KIAA0586: variants seen among roughly 807,000 people sequenced by gnomAD.
KIAA0586 encodes the protein protein TALPID3.
In KIAA0586, 144 loss-of-function variants were observed where a neutral mutation model predicts 169.8. The observed-to-expected ratio is 0.85, with a 90% CI of 0.74 to 0.97. KIAA0586 has a LOEUF of 0.97. Among genes scored for constraint, KIAA0586 ranks in the 50% least tolerant of loss-of-function variants. The pLI is 0.00. For missense variants in KIAA0586, 1,854 were observed against 1,823.0 expected (o/e 1.02, Z -0.31); for synonymous variants, 625 against 612.4 (o/e 1.02, Z -0.30).
Position 58,534,503 on chromosome 14 carries a change from G to T in KIAA0586, c.4430-5568G>T, listed in dbSNP as rs538511499. Among the ~76,000 whole-genome samples the T allele has an allele frequency of 2.0e-5, 3 of 152,246 alleles. No homozygotes were observed. The East Asian group carries it at 5.8e-4, about 29-fold the overall frequency. ...AAATGCTGAAGATTAGTTAAAACTGGATTATAGTTTGTGCTTTCAATTAAA... is the reference window on the plus strand; with the variant it reads ...AAATGCTGAAGATTAGTTAAAACTGTATTATAGTTTGTGCTTTCAATTAAA... On this transcript the variant is annotated intron_variant, in intron 29 of 30. Coordinates refer to ENST00000652326, the MANE Select transcript of KIAA0586 (RefSeq NM_001329943.3).
chr14:58,444,182 G>A lies in KIAA0586; in HGVS notation c.807+7G>A, dbSNP rs774659938. 2 of 1,557,400 alleles carry A rather than the reference G, an allele frequency of 1.3e-6. No individual in the cohort carries two copies. Among genetic ancestry groups the A allele is most frequent in the South Asian group, 2.2e-5 (2 of 88,978 alleles). On this transcript the variant is annotated splice_region_variant and intron_variant, in intron 6 of 30. Transcript: ENST00000652326. Reference sequence around the variant, plus strand: ...ACAACAAATAGATATTCAGGTATCTGTAATAAATCCAGTACAGATTCCATA... The same window carrying A: ...ACAACAAATAGATATTCAGGTATCTATAATAAATCCAGTACAGATTCCATA...
At chr14:58,506,172 A>T (rs2043925531) in intron 27 of KIAA0586, among the ~76,000 whole-genome samples, 1 of 151,970 alleles carries the variant, frequency 6.6e-6, no homozygotes, top group Non-Finnish European at 1.5e-5. Context: ...TTCATTTGCC[A>T]CTCTTAGAAA....
At chr14:58,496,428 A>G (rs868365724) in intron 26 of KIAA0586, among the ~76,000 whole-genome samples, 20 of 152,258 alleles carry the variant, frequency 1.3e-4, no homozygotes, top group African/African-American at 4.8e-4. Context: ...TGTCAGAGTA[A>G]TATAGGCATT....
intron 29 of KIAA0586, chr14:58,521,837 G>A: frequency 1.1e-6 from 1 of 888,760 alleles, no homozygotes; most frequent in Non-Finnish European, 1.9e-6. Flanking sequence ...TGGAGTCGGA[G>A]CGGGGTGCAG....
At chr14:58,445,991 C>CT (rs1175902202) in intron 6 of KIAA0586, among the ~76,000 whole-genome samples, 8 of 151,356 alleles carry the variant, frequency 5.3e-5, no homozygotes, top group African/African-American at 1.9e-4. Context: ...GCCACAGCCT[C>CT]CCAAGTAGCT....
intron 8 of KIAA0586, among the ~76,000 whole-genome samples, 156 bp from the exon 9 acceptor site, chr14:58,453,194 C>T (rs1033330904): frequency 3.3e-5 from 5 of 152,136 alleles, no homozygotes; most frequent in African/African-American, 1.2e-4. Flanking sequence ...GCTGGGATTA[C>T]AGGCATGAGC....
In KIAA0586 at chr14:58,468,032, G is replaced by T. The variant is rs866615543; in HGVS notation, c.2442+110G>T. 50 of 654,932 alleles carry T rather than the reference G, an allele frequency of 7.6e-5. No homozygotes were observed. In the South Asian group the frequency reaches 8.2e-4, roughly 11 times the overall value. The allele number at this position is 654,932 out of a possible 1,614,324, so 40.6% of individuals were successfully genotyped here. A position where few individuals can be genotyped will look rare whatever the true frequency, so the allele number is the denominator to read the frequency against. The stretch of plus-strand genomic sequence containing the variant: ...TCATAAAAATATTGCTTTTGATCAT[G>T]ACTCTTTTTTTTAAATTTATTTTTA... On this transcript the variant is annotated intron_variant, in intron 16 of 30. Transcript: ENST00000652326.
rs1039498791 is a variant in KIAA0586, at chr14:58,459,931, T to C, written c.1745T>C (p.Ile582Thr). 4 of 1,533,144 alleles carry C rather than the reference T, an allele frequency of 2.6e-6. No individual in the cohort carries two copies. Among genetic ancestry groups the C allele is most frequent in the Non-Finnish European group, 3.5e-6 (4 of 1,144,856 alleles). 95.0% of individuals were successfully genotyped at this position (1,533,144 alleles called of 1,614,324 possible). The change falls in exon 13 of 31, where the codon ATT (isoleucine) becomes ACT (threonine). Residue 582 changes from isoleucine to threonine, a missense_variant. Physicochemically the swap from Ile to Thr is moderately conservative, Grantham distance 89. Transcript: ENST00000652326. ...TKKGQNMTKD[I>T]RTNTQDKTVN... ...AAAGGTCAGAATATGACTAAAGATA[T>C]TAGAACCAACACACAAGATAAAACT... is the stretch of plus-strand genomic sequence containing the variant.
rs1196089628 is a variant in KIAA0586 at position 58,474,602 on chromosome 14, A to G, written c.2635-5A>G. On this transcript the variant is annotated splice_polypyrimidine_tract_variant and splice_region_variant and intron_variant, in intron 18 of 30. Transcript: ENST00000652326. Reference sequence around the variant, plus strand: ...ATATAATAGTTTTGTTTTTGTTACTACCAGGAAGAAGAAAAATGTGATGAA... The same window carrying G: ...ATATAATAGTTTTGTTTTTGTTACTGCCAGGAAGAAGAAAAATGTGATGAA... The G allele has an allele frequency of 6.4e-7, 1 of 1,570,596 alleles. No homozygotes were observed. Among genetic ancestry groups the G allele is most frequent in the Non-Finnish European group, 8.6e-7 (1 of 1,161,904 alleles).
In KIAA0586 at chr14:58,461,127, C is replaced by T. The variant is rs967603971; in HGVS notation, c.2026C>T (p.Pro676Ser). ...RFNSPSPKSR[P>S]QRPKVIERVK... ...TAATTCTCCATCTCCTAAGTCCAGA[C>T]CACAGAGACCAAAAGTAATAGAACG... Residue 676 changes from proline to serine, a missense_variant, in exon 14 of 31, where the codon CCA becomes TCA. By Grantham distance (74) the Pro-to-Ser change is moderately conservative. Coordinates refer to ENST00000652326, the MANE Select transcript of KIAA0586 (RefSeq NM_001329943.3). 2.6e-5 allele frequency: 42 copies of T among 1,597,174 alleles called. No homozygotes were observed. The highest frequency in any genetic ancestry group is 3.6e-5 in the Non-Finnish European group (42 of 1,174,090).
intron 7 of KIAA0586, among the ~76,000 whole-genome samples, chr14:58,449,213 T>C (rs570030883): frequency 6.6e-6 from 1 of 152,316 alleles, no homozygotes; most frequent in Non-Finnish European, 1.5e-5. Context: ...TAAAGATTGC[T>C]CATGCTTTTA....
At chr14:58,492,399 A>G in intron 26 of KIAA0586, 124 bp downstream of exon 26, 4 of 696,476 alleles carry the variant, frequency 5.7e-6, no homozygotes, top group Middle Eastern at 4.2e-4. Flanking sequence ...TGTTACAGCA[A>G]CTTTAACTTG....
intron 26 of KIAA0586, among the ~76,000 whole-genome samples, chr14:58,498,566 A>G (rs997131624): frequency 3.9e-5 from 6 of 152,322 alleles, no homozygotes; most frequent in Middle Eastern, 3.4e-3. Context: ...TTCATAAAAT[A>G]TATGAAATTA....
intron 30 of KIAA0586, among the ~76,000 whole-genome samples, chr14:58,545,956 C>T (rs1450088492): frequency 6.6e-6 from 1 of 151,966 alleles, no homozygotes; most frequent in Admixed American, 6.6e-5. Context: ...ATCGCTTGAG[C>T]CTGTGAGGTT....
At chr14:58,515,659 CTA>C (rs2044700205) in intron 29 of KIAA0586, among the ~76,000 whole-genome samples, 2 of 152,014 alleles carry the variant, frequency 1.3e-5, no homozygotes, top group South Asian at 2.1e-4. Context: ...GATTTCAAAA[CTA>C]TGTGTGTGTA....
chr14:58,538,333 A>T (rs2046428061), intron 29 of KIAA0586, among the ~76,000 whole-genome samples: 2 of 152,210 alleles, frequency 1.3e-5, no homozygotes, highest in African/African-American at 4.8e-5. Context: ...GTGAGAATGT[A>T]TTGCCCAGCA....
Position 58,427,744 on chromosome 14 carries a change from G to A in KIAA0586, c.-521G>A, listed in dbSNP as rs571527574. 5.0e-5 allele frequency: 76 copies of A among 1,533,412 alleles called. No individual in the cohort carries two copies. The highest frequency in any genetic ancestry group is 2.0e-4 in the Middle Eastern group (1 of 5,092). The allele number at this position is 1,533,412 out of a possible 1,614,324, so 95.0% of individuals were successfully genotyped here. A position where few individuals can be genotyped will look rare whatever the true frequency, so the allele number is the denominator to read the frequency against. ...GCTGTTGTCAGATTACACCCACGAC[G>A]GTGCGGGTCTCGGGCGTTCTGGAGA... On this transcript the variant is annotated 5_prime_UTR_variant, in exon 1 of 31. Coordinates refer to ENST00000652326, the MANE Select transcript of KIAA0586 (RefSeq NM_001329943.3).
rs1247229399 is a variant in KIAA0586, at chr14:58,428,394, C to T, written c.130C>T (p.Pro44Ser). The change falls in exon 1 of 31, where the codon CCT becomes TCT. Residue 44 changes from proline to serine, a missense_variant. Physicochemically the swap from Pro to Ser is moderately conservative, Grantham distance 74. Transcript: ENST00000652326. Reference sequence around the variant, plus strand: ...GCTGAAAGATGAGTTGCCCTGTGTTCCTCCGGCATTGTCTGCAAATAAACG... The same window carrying T: ...GCTGAAAGATGAGTTGCCCTGTGTTTCTCCGGCATTGTCTGCAAATAAACG... ...VLLKDELPCVPPALSANKRLP... is the reference protein window; with the variant it reads ...VLLKDELPCVSPALSANKRLP... The T allele has an allele frequency of 1.2e-6, 2 of 1,613,800 alleles. No individual in the cohort carries two copies. Among genetic ancestry groups the T allele is most frequent in the Non-Finnish European group, 1.7e-6 (2 of 1,179,870 alleles).
intron 20 of KIAA0586, among the ~76,000 whole-genome samples, chr14:58,478,824 A>G (rs2041838997): frequency 6.6e-6 from 1 of 152,212 alleles, no homozygotes; most frequent in Non-Finnish European, 1.5e-5. Flanking sequence ...TTTCATACAT[A>G]TGTAATCATG....
Sources: gnomAD v4.1 joint callset for allele counts (sites outside exome capture counted in the v4.1 genomes callset) on GRCh38, gnomAD v4.1.1 for gene constraint, MANE v1.5 for transcripts, NCBI Gene and HGNC (gene_info 2026-07-23, HGNC 2026-07-21) for gene names.